Variants in GPR146 observed in about 807,000 individuals in gnomAD.
The protein encoded by GPR146 is G-protein coupled receptor 146.
For missense variants in GPR146, 381 were observed against 213.9 expected, an observed-to-expected ratio of 1.78 and a Z score of -4.87; for synonymous variants, 203 against 104.3, an observed-to-expected ratio of 1.95 and a Z score of -5.77.
chr7:1,056,806 G>A (rs1211929247), intron 1 of GPR146: 3 of 137,822 alleles, frequency 2.2e-5, no homozygotes, highest in East Asian at 2.2e-4. Flanking sequence ...TGACATGGTG[G>A]ACATCAGGCT....
chr7:1,056,895 C>T (rs1783847382), intron 1 of GPR146: 1 of 152,798 alleles, frequency 6.5e-6, no homozygotes, highest in South Asian at 2.1e-4. Context: ...AATTCTTACT[C>T]TAGGATGGCT....
chr7:1,055,851 C>T (rs918730196), intron 1 of GPR146, among the ~76,000 whole-genome samples: 2 of 152,198 alleles, frequency 1.3e-5, no homozygotes, highest in Non-Finnish European at 2.9e-5. Context: ...CCAGGCCAGG[C>T]TGCTGACTGA....
intron 1 of GPR146, among the ~76,000 whole-genome samples, chr7:1,053,645 T>C (rs75709543): frequency 0.023 from 3,464 of 152,204 alleles, 150 homozygotes; most frequent in East Asian, 0.2. Context: ...CTGGCCAACA[T>C]GGAGAAACCT....
At chr7:1,055,752 C>T (rs1383723023) in intron 1 of GPR146, among the ~76,000 whole-genome samples, 1 of 152,144 alleles carries the variant, frequency 6.6e-6, no homozygotes, top group African/African-American at 2.4e-5. Context: ...GGAGGCAGCA[C>T]ACAAGGCACA....
In GPR146 at chr7:1,049,590, C is replaced by T. The variant is rs992785313; in HGVS notation, c.-25+4932C>T. 3.3e-5 allele frequency among the ~76,000 whole-genome samples: 5 copies of T among 152,164 alleles called. No individual in the cohort carries two copies. In the East Asian group the frequency reaches 5.8e-4, roughly 18 times the overall value. ...CGGAGGGCGAGGGAGTTTCTTACAG[C>T]GCTTTATGTCAACTCCTGCTGCTGC... On this transcript the variant is annotated intron_variant, in intron 1 of 1. Transcript: ENST00000444847.
intron 1 of GPR146, chr7:1,045,373 A>G (rs1469818545): frequency 6.6e-6 from 1 of 152,262 alleles, no homozygotes; most frequent in East Asian, 1.9e-4. Flanking sequence ...GATGTACTTG[A>G]GTCCTCCATT....
At chr7:1,050,896 CT>C (rs959957311) in intron 1 of GPR146, among the ~76,000 whole-genome samples, 2 of 152,238 alleles carry the variant, frequency 1.3e-5, no homozygotes, top group Non-Finnish European at 2.9e-5. Flanking sequence ...AACTCTACCC[CT>C]GTCCTTCCCA....
At chr7:1,048,056 G>C (rs1213810502) in intron 1 of GPR146, among the ~76,000 whole-genome samples, 1 of 152,170 alleles carries the variant, frequency 6.6e-6, no homozygotes, top group Non-Finnish European at 1.5e-5. Flanking sequence ...CTGGCGGAGG[G>C]GTGTGGAGAC....
intron 1 of GPR146, among the ~76,000 whole-genome samples, chr7:1,050,971 G>A (rs1052514784): frequency 2.0e-5 from 3 of 152,232 alleles, no homozygotes; most frequent in African/African-American, 7.2e-5. Context: ...GTCAGAGAGG[G>A]GGATGGACAG....
intron 1 of GPR146, among the ~76,000 whole-genome samples, chr7:1,055,668 C>A (rs116783339): frequency 6.6e-6 from 1 of 152,166 alleles, no homozygotes. Flanking sequence ...ACAGAGCACA[C>A]TGAGGGGTCC....
Position 1,052,532 on chromosome 7 carries a change from G to T in GPR146, c.-24-4960G>T, listed in dbSNP as rs564115361. Among the ~76,000 whole-genome samples, 1 of 152,296 alleles carries T rather than the reference G, an allele frequency of 6.6e-6. No individual in the cohort carries two copies. Among genetic ancestry groups the T allele is most frequent in the African/African-American group, 2.4e-5 (1 of 41,560 alleles). On this transcript the variant is annotated intron_variant, in intron 1 of 1. Transcript: ENST00000444847. This position sits in a 1 kb window ranked among gnomAD's most constrained non-coding sequence, Gnocchi z 4.2. ...GGAGGAGCAGGGCCTGGCGGAAGAA[G>T]TGGGGGAGCCAGGAAGGAGCAGCTG...
At chr7:1,053,826 CA>C (rs1422726277) in intron 1 of GPR146, among the ~76,000 whole-genome samples, 3 of 151,962 alleles carry the variant, frequency 2.0e-5, no homozygotes, top group African/African-American at 7.3e-5. Flanking sequence ...GACTCCATCT[CA>C]AAAAAACAAA....
intron 1 of GPR146, among the ~76,000 whole-genome samples, chr7:1,053,320 G>A (rs1005408285): frequency 2.6e-5 from 4 of 152,260 alleles, no homozygotes; most frequent in South Asian, 2.1e-4. Context: ...CGGGGGAGGG[G>A]CGTCCACAGT....
At chr7:1,047,617 A>G (rs1266222782) in intron 1 of GPR146, among the ~76,000 whole-genome samples, 1 of 152,222 alleles carries the variant, frequency 6.6e-6, no homozygotes. Context: ...AAGCATTTTG[A>G]TTGTTCTAGA....
At chr7:1,049,042 T>G (rs963329020) in intron 1 of GPR146, among the ~76,000 whole-genome samples, 1 of 151,904 alleles carries the variant, frequency 6.6e-6, no homozygotes, top group Non-Finnish European at 1.5e-5. Flanking sequence ...AGGCCTCCGC[T>G]GTCTGAGCGT....
chr7:1,045,214 G>C (rs1459196392), intron 1 of GPR146: 1 of 152,226 alleles, frequency 6.6e-6, no homozygotes, highest in Non-Finnish European at 1.5e-5. Context: ...TACAAACCTG[G>C]CAAGTCAGTT....
At chr7:1,053,692 T>G (rs1267297345) in intron 1 of GPR146, among the ~76,000 whole-genome samples, 1 of 152,188 alleles carries the variant, frequency 6.6e-6, no homozygotes, top group African/African-American at 2.4e-5. Context: ...CTGGGTGTGG[T>G]GGCAGTCGCC....
At chr7:1,053,634 C>T (rs1184864763) in intron 1 of GPR146, among the ~76,000 whole-genome samples, 3 of 152,198 alleles carry the variant, frequency 2.0e-5, no homozygotes, top group African/African-American at 7.2e-5. Flanking sequence ...TCGAGATCAG[C>T]CTGGCCAACA....
chr7:1,054,122 G>T (rs901604648), intron 1 of GPR146, among the ~76,000 whole-genome samples: 7 of 152,220 alleles, frequency 4.6e-5, no homozygotes, highest in African/African-American at 1.7e-4. Context: ...GTCCCCCAGA[G>T]CCCACGGAGC....
Sources: allele counts gnomAD v4.1 joint callset (sites outside exome capture counted in the v4.1 genomes callset), GRCh38; gene constraint gnomAD v4.1.1; non-coding constraint Gnocchi (gnomAD v3.1); transcripts MANE v1.5; gene names NCBI Gene and HGNC (gene_info 2026-07-23, HGNC 2026-07-21).